AFF1: variants seen among roughly 807,000 people sequenced by gnomAD.
AFF1 encodes AF4/FMR2 family member 1.
Under a neutral mutation model 121.7 loss-of-function variants are expected in AFF1, and 48 were observed. The ratio of observed to expected loss-of-function variants is 0.39; its 90% CI spans 0.31 to 0.50. The LOEUF is 0.50. AFF1 is among the 20% of genes least tolerant of loss of function. The pLI, the probability that AFF1 is intolerant of heterozygous loss-of-function variation, is 0.76. For missense variants in AFF1, 1,523 were observed against 1,511.7 expected (o/e 1.01, Z -0.12); for synonymous variants, 613 against 563.0 (o/e 1.09, Z -1.26).
At chr4:86,957,214 G>A (rs1159728505) in intron 2 of AFF1, among the ~76,000 whole-genome samples, 1 of 152,100 alleles carries the variant, frequency 6.6e-6, no homozygotes, top group African/African-American at 2.4e-5. Context: ...TGTCTTTGTA[G>A]GGATACTAAT....
chr4:87,106,697 C>G (rs1157765393), intron 10 of AFF1, among the ~76,000 whole-genome samples: 1 of 152,112 alleles, frequency 6.6e-6, no homozygotes, highest in African/African-American at 2.4e-5. Flanking sequence ...ATTTGAACTT[C>G]TTTTATAATA....
At chr4:87,127,304 G>T (rs1728377841) in intron 15 of AFF1, among the ~76,000 whole-genome samples, 187 bp downstream of exon 15, 3 of 152,050 alleles carry the variant, frequency 2.0e-5, no homozygotes, top group Non-Finnish European at 2.9e-5. Context: ...GGGACTACAG[G>T]CATGAGCCAT....
At chr4:87,016,242 C>T (rs1448336355) in intron 2 of AFF1, among the ~76,000 whole-genome samples, 23 of 151,832 alleles carry the variant, frequency 1.5e-4, no homozygotes. Flanking sequence ...GAGGTACGTT[C>T]CTTGTCACCC....
At chr4:87,069,570 C>T (rs967722669) in intron 4 of AFF1, among the ~76,000 whole-genome samples, 2 of 133,668 alleles carry the variant, frequency 1.5e-5, no homozygotes, top group Admixed American at 7.1e-5. Flanking sequence ...TCTCCTCTCT[C>T]TCCTCTCTCC....
chr4:87,003,232 G>T (rs1725857218), intron 2 of AFF1, among the ~76,000 whole-genome samples: 1 of 151,974 alleles, frequency 6.6e-6, no homozygotes, highest in African/African-American at 2.4e-5. Context: ...ATATCTTTGG[G>T]GGTAAATATT....
intron 2 of AFF1, among the ~76,000 whole-genome samples, chr4:86,981,635 G>A (rs536093229): frequency 6.6e-6 from 1 of 152,276 alleles, no homozygotes; most frequent in Admixed American, 6.5e-5. Context: ...TCCCCAAAGT[G>A]CTGGGATTAC....
chr4:87,011,374 A>G (rs558075266), intron 2 of AFF1, among the ~76,000 whole-genome samples: 2 of 152,336 alleles, frequency 1.3e-5, no homozygotes, highest in East Asian at 3.9e-4. Context: ...ATTGTGCCCA[A>G]GATTTATATG....
At chr4:87,093,275 C>T (rs1339552900) in intron 7 of AFF1, among the ~76,000 whole-genome samples, 1 of 152,122 alleles carries the variant, frequency 6.6e-6, no homozygotes, top group African/African-American at 2.4e-5. Flanking sequence ...TTTTATGCTG[C>T]TGTCACTTTA....
At chr4:86,998,755 C>T (rs1223530518) in intron 2 of AFF1, among the ~76,000 whole-genome samples, 1 of 152,074 alleles carries the variant, frequency 6.6e-6, no homozygotes, top group Admixed American at 6.6e-5. Context: ...AAAGCTTATT[C>T]AGTGGAGGGG....
At chr4:87,090,595 A>G (rs546246543) in intron 6 of AFF1, among the ~76,000 whole-genome samples, 16 of 152,290 alleles carry the variant, frequency 1.1e-4, no homozygotes, top group African/African-American at 3.9e-4. Flanking sequence ...TAACCTTCAA[A>G]ATGTAGAAAT....
At chr4:87,014,612 A>G (rs2149544604) in intron 2 of AFF1, among the ~76,000 whole-genome samples, 1 of 152,334 alleles carries the variant, frequency 6.6e-6, no homozygotes, top group East Asian at 1.9e-4. Flanking sequence ...GTCCTGTCAG[A>G]AGCAAAGCAG....
chr4:87,128,531 A>C (rs1187236951), intron 16 of AFF1, among the ~76,000 whole-genome samples: 1 of 152,204 alleles, frequency 6.6e-6, no homozygotes, highest in Non-Finnish European at 1.5e-5. Flanking sequence ...ACTTTGGTAC[A>C]CAGAGGAAGG....
intron 2 of AFF1, among the ~76,000 whole-genome samples, chr4:87,017,808 A>G (rs569076819): frequency 6.6e-6 from 1 of 152,196 alleles, no homozygotes; most frequent in South Asian, 2.1e-4. Flanking sequence ...TTGATGGTGT[A>G]CTCCGACTTC....
intron 4 of AFF1, among the ~76,000 whole-genome samples, chr4:87,051,411 TTTTC>T (rs1433889185): frequency 1.5e-5 from 2 of 137,654 alleles, no homozygotes; most frequent in Admixed American, 7.2e-5. Context: ...TTTCTTTCCT[TTTTC>T]TTTTTTTTTT....
At chr4:87,003,256 T>A (rs1016309121) in intron 2 of AFF1, among the ~76,000 whole-genome samples, 4 of 152,050 alleles carry the variant, frequency 2.6e-5, no homozygotes, top group African/African-American at 4.8e-5. Context: ...TGTATTAAAA[T>A]TTTTTTTCCA....
At chr4:87,113,610 G>A (rs1178516630) in intron 11 of AFF1, among the ~76,000 whole-genome samples, 1 of 152,134 alleles carries the variant, frequency 6.6e-6, no homozygotes, top group Non-Finnish European at 1.5e-5. Context: ...TTAATGCTTG[G>A]CTAATGTGAC....
chr4:87,010,044 A>C (rs567999448), intron 2 of AFF1, among the ~76,000 whole-genome samples: 51 of 152,288 alleles, frequency 3.3e-4, no homozygotes, highest in African/African-American at 1.2e-3. Context: ...GTGTATTCCC[A>C]TCCCTGTAGT....
In AFF1 at chr4:87,008,051, G is replaced by A. The variant is rs114428156; in HGVS notation, c.39-38115G>A. On this transcript the variant is annotated intron_variant, in intron 2 of 20. Transcript: ENST00000395146. The stretch of plus-strand genomic sequence containing the variant: ...AGAACCTGAAGCCCCGTCTTTCCAT[G>A]GTTTGTTACTGTTTTTGTAATGAGC... Among the ~76,000 whole-genome samples, 389 of 147,996 alleles carry A rather than the reference G, an allele frequency of 2.6e-3. 5 individuals carry two copies. Among genetic ancestry groups the A allele is most frequent in the African/African-American group, 8.2e-3 (339 of 41,392 alleles).
chr4:87,040,071 T>C (rs1729975650), intron 2 of AFF1, among the ~76,000 whole-genome samples: 1 of 152,114 alleles, frequency 6.6e-6, no homozygotes, highest in Admixed American at 6.5e-5. Flanking sequence ...TTTGTATTTT[T>C]AGTAGAGACA....
Sources: allele counts gnomAD v4.1 joint callset (sites outside exome capture counted in the v4.1 genomes callset), GRCh38; gene constraint gnomAD v4.1.1; transcripts MANE v1.5; gene names NCBI Gene and HGNC (gene_info 2026-07-23, HGNC 2026-07-21).